The following CYP2A7 variants were observed in gnomAD, a reference collection of about 807,000 sequenced individuals.
The protein encoded by CYP2A7 is cytochrome P450 2A7.
A neutral mutation model predicts 42.0 loss-of-function variants in CYP2A7; 36 were observed. The observed-to-expected ratio is 0.86, with a 90% confidence interval of 0.66 to 1.13. The LOEUF is 1.13. CYP2A7 is among the 50% of genes most tolerant of loss of function. The pLI, the probability that CYP2A7 is intolerant of heterozygous loss-of-function variation, is 0.00. For synonymous variants in CYP2A7, 260 were observed against 249.5 expected (o/e 1.04, Z -0.40); for missense variants, 661 against 634.1 (o/e 1.04, Z -0.46).
chr19:40,880,581 C>A lies in CYP2A7; in HGVS notation c.391G>T (p.Ala131Ser), dbSNP rs3815708. The A allele has an allele frequency of 0.48, 618,738 of 1,294,282 alleles. 176,466 individuals are homozygous for A. Among genetic ancestry groups the A allele is most frequent in the Admixed American group, 0.64 (31,521 of 49,078 alleles). 80.2% of individuals were successfully genotyped at this position (1,294,282 alleles called of 1,614,324 possible). Residue 131 changes from alanine (A) to serine (S), a missense_variant, in exon 3 of 9, where the codon GCC becomes TCC. By Grantham distance (99) the Ala-to-Ser change is moderately conservative (BLOSUM62 1). Coordinates refer to ENST00000301146, the MANE Select transcript of CYP2A7 (RefSeq NM_000764.3). ...CCGAAGTCCCTCAGGGTGGCGATGG[C>A]AAAGCGCAGGAGCTGCTTGGCGCGC... ...GERAKQLLRF[A>S]IATLRDFGVG...
Position 40,878,931 on chromosome 19 carries a change from A to T in CYP2A7, c.660T>A (p.Tyr220Ter). The change falls in exon 5 of 9, where the codon TAT becomes TAA. Residue 220 changes from tyrosine to a stop codon, truncating the protein, a stop_gained. Coordinates refer to ENST00000301146, the MANE Select transcript of CYP2A7 (RefSeq NM_000764.3). LOFTEE classifies it high-confidence loss of function. ...GTTTCATCACCGAAGAGAACATCTC[A>T]TAGAGCTGGGGTTGCAGAGAGAGGA... The part of the protein sequence containing the change: ...QFTSTSTGQL[Y>*]EMFSSVMKHL... 1 of 1,602,896 alleles carries T rather than the reference A, an allele frequency of 6.2e-7. No individual in the cohort carries two copies. The highest frequency in any genetic ancestry group is 8.5e-7 in the Non-Finnish European group (1 of 1,171,202).
rs1172158299 is a variant in CYP2A7 at position 40,878,782 on chromosome 19, G to C, written c.809C>G (p.Ser270Cys). The C allele has an allele frequency of 6.2e-7, 1 of 1,611,560 alleles. No homozygotes were observed. Among genetic ancestry groups the C allele is most frequent in the Non-Finnish European group, 8.5e-7 (1 of 1,178,350 alleles). The change falls in exon 5 of 9, where the codon TCC becomes TGC. Residue 270 changes from serine to cysteine, a missense_variant. Transcript: ENST00000301146. ...DPNSPQDFID[S>C]FLIHMQEEEK... ...TACCTCCTGCATGTGGATGAGAAAG[G>C]AGTCGATGAAGTCCTGTGGGGAATT... is the stretch of plus-strand genomic sequence containing the variant.
intron 1 of CYP2A7, 77 bp from the exon 2 acceptor site, chr19:40,881,828 C>G: frequency 2.5e-6 from 4 of 1,576,368 alleles, no homozygotes; most frequent in Admixed American, 1.8e-5. Context: ...ATGTCAAGTA[C>G]TGGGATCCTT....
chr19:40,877,602 C>G (rs1311716923), intron 6 of CYP2A7, among the ~76,000 whole-genome samples: 1 of 151,412 alleles, frequency 6.6e-6, no homozygotes, highest in Non-Finnish European at 1.5e-5. Context: ...TAGGAGATGA[C>G]CCGGGGGAAG....
rs780333733 is a variant in CYP2A7 at position 40,877,156 on chromosome 19, G to T, written c.1161+34C>A. 9 of 1,603,070 alleles carry T rather than the reference G, an allele frequency of 5.6e-6. No individual in the cohort carries two copies. In the East Asian group the frequency reaches 1.3e-4, roughly 24 times the overall value. On this transcript the variant is annotated intron_variant, in intron 7 of 8. Transcript: ENST00000301146. ...CTGGGGACACAGAGAAGGGCTGGAA[G>T]TCCCCGTAGTCTAGGGGGTGGGGAG...
chr19:40,877,752 C>T, intron 6 of CYP2A7, 100 bp downstream of exon 6: 1 of 1,499,872 alleles, frequency 6.7e-7, no homozygotes, highest in Non-Finnish European at 9.0e-7. Context: ...CAAGGCACGT[C>T]TCAGGGTCCT....
In CYP2A7 at chr19:40,877,209, C is replaced by A. The variant is rs751866169; in HGVS notation, c.1142G>T (p.Arg381Leu). The change falls in exon 7 of 9, where the codon CGG (arginine) becomes CTG (leucine). Residue 381 changes from arginine to leucine, a missense_variant. Arg to Leu is a moderately radical substitution (Grantham distance 102). Around this residue, in one of 3 missense-constraint regions of CYP2A7, gnomAD observed 614 missense variants for 552.4 expected, o/e 1.11. Transcript: ENST00000301146. Reference protein sequence around the residue: ...ARRVKKDTKFRDFFLPKGTEV... With the variant: ...ARRVKKDTKFLDFFLPKGTEV... The stretch of plus-strand genomic sequence containing the variant: ...TAGCACCTTAGGGAGGAAAAAATCC[C>A]GAAACTTGGTGTCCTTTTTAACCCT... 14 of 1,612,518 alleles carry A rather than the reference C, an allele frequency of 8.7e-6. No individual in the cohort carries two copies. The highest frequency in any genetic ancestry group is 1.2e-5 in the Non-Finnish European group (14 of 1,179,126).
Position 40,877,989 on chromosome 19 carries a change from T to G in CYP2A7, c.836A>C (p.Glu279Ala), listed in dbSNP as rs1346918313. Reference protein sequence around the residue: ...DSFLIHMQEEEKNPNTEFYLK... With the variant: ...DSFLIHMQEEAKNPNTEFYLK... ...GTAGAACTCCGTGTTGGGGTTCTTCTCCTCCTGCAGGGAGAGGGGGCTTTA... is the reference window on the plus strand; with the variant it reads ...GTAGAACTCCGTGTTGGGGTTCTTCGCCTCCTGCAGGGAGAGGGGGCTTTA... The change falls in exon 6 of 9, where the codon GAG (glutamate) becomes GCG (alanine). Residue 279 changes from glutamate to alanine, a missense_variant. Coordinates refer to ENST00000301146, the MANE Select transcript of CYP2A7 (RefSeq NM_000764.3). 1.1e-5 allele frequency: 17 copies of G among 1,610,778 alleles called. 1 individual carries two copies. The highest frequency in any genetic ancestry group is 1.4e-5 in the Non-Finnish European group (17 of 1,178,342).
At chr19:40,880,679 G>T (rs3815714) in intron 2 of CYP2A7, 51 bp from the exon 3 acceptor site, 228,087 of 748,448 alleles carry the variant, frequency 0.3, 53,252 homozygotes, top group Admixed American at 0.55. Context: ...GGCGGTGGCA[G>T]GAGCGGACCA....
In CYP2A7 at chr19:40,880,142, A is replaced by C. The variant is rs775992163; in HGVS notation, c.596T>G (p.Leu199Arg). 1 of 1,613,042 alleles carries C rather than the reference A, an allele frequency of 6.2e-7. No individual in the cohort carries two copies. The highest frequency in any genetic ancestry group is 1.1e-5 in the South Asian group (1 of 91,026). ...TCCTAGCATCATGCTCAGCAGTGAC[A>C]GGAACTCTTTGTCCTCATAGTCAAA... Reference protein sequence around the residue: ...DRFDYEDKEFLSLLSMMLGIF... With the variant: ...DRFDYEDKEFRSLLSMMLGIF... The change falls in exon 4 of 9, where the codon CTG becomes CGG. Residue 199 changes from leucine to arginine, a missense_variant. By Grantham distance (102) the Leu-to-Arg change is moderately radical (BLOSUM62 -2). Around this residue, in one of 3 missense-constraint regions of CYP2A7, gnomAD observed 614 missense variants for 552.4 expected, o/e 1.11. Transcript: ENST00000301146.
chr19:40,876,404 G>T, intron 8 of CYP2A7, 123 bp downstream of exon 8: 1 of 1,522,914 alleles, frequency 6.6e-7, no homozygotes, highest in Non-Finnish European at 9.1e-7. Flanking sequence ...TGGCTCAAGG[G>T]TAGATTCTAA....
In CYP2A7 at chr19:40,876,441, C is replaced by T. The variant is rs942110119; in HGVS notation, c.1303+86G>A. 11 of 1,601,994 alleles carry T rather than the reference C, an allele frequency of 6.9e-6. No individual in the cohort carries two copies. The African/African-American group carries it at 8.0e-5, about 12-fold the overall frequency. Reference sequence around the variant, plus strand: ...AGGAACTTCCAAGCTGGAGAAATACCAGGCTACACCGCAGAGAGGGGAGGT... The same window carrying T: ...AGGAACTTCCAAGCTGGAGAAATACTAGGCTACACCGCAGAGAGGGGAGGT... On this transcript the variant is annotated intron_variant, in intron 8 of 8. Coordinates refer to ENST00000301146, the MANE Select transcript of CYP2A7 (RefSeq NM_000764.3).
Sources: allele counts gnomAD v4.1 joint callset (sites outside exome capture counted in the v4.1 genomes callset), GRCh38; gene constraint gnomAD v4.1.1; regional missense constraint gnomAD v4.1.1; transcripts MANE v1.5; gene names NCBI Gene and HGNC (gene_info 2026-07-23, HGNC 2026-07-21).